GRAMD1B: variants seen among roughly 807,000 people sequenced by gnomAD.
GRAMD1B encodes GRAM domain containing 1B.
Under a neutral mutation model 99.7 loss-of-function variants are expected in GRAMD1B, and 37 were observed. The observed-to-expected ratio is 0.37, with a 90% CI of 0.29 to 0.49. The LOEUF is 0.49. GRAMD1B is among the 20% of genes least tolerant of loss of function. The pLI is 0.98. For synonymous variants in GRAMD1B, 427 were observed against 387.6 expected (o/e 1.10, Z -1.19); for missense variants, 888 against 1,009.2 (o/e 0.88, Z 1.63).
intron 2 of GRAMD1B, among the ~76,000 whole-genome samples, chr11:123,525,260 A>G (rs1942589309): frequency 6.6e-6 from 1 of 152,196 alleles, no homozygotes; most frequent in Admixed American, 6.5e-5. Flanking sequence ...TGTGCAGCAC[A>G]CTGCCTGGGA....
At chr11:123,528,941 C>A (rs769624038) in intron 2 of GRAMD1B, among the ~76,000 whole-genome samples, 3 of 152,210 alleles carry the variant, frequency 2.0e-5, no homozygotes, top group Non-Finnish European at 4.4e-5. Flanking sequence ...TGGGGACTAA[C>A]TACCACGCAA....
chr11:123,444,087 C>T (rs1353100068), intron 1 of GRAMD1B, among the ~76,000 whole-genome samples: 2 of 152,166 alleles, frequency 1.3e-5, no homozygotes, highest in Admixed American at 6.5e-5. Context: ...AGGTGCTAGA[C>T]TTTCAGTTAA....
intron 2 of GRAMD1B, among the ~76,000 whole-genome samples, chr11:123,533,503 T>C (rs2135577497): frequency 6.6e-6 from 1 of 152,178 alleles, no homozygotes; most frequent in African/African-American, 2.4e-5. Context: ...CTCAGCTCAC[T>C]GTAACCTCTG....
At chr11:123,416,642 G>A (rs1948241092) in intron 1 of GRAMD1B, among the ~76,000 whole-genome samples, 1 of 152,210 alleles carries the variant, frequency 6.6e-6, no homozygotes, top group Non-Finnish European at 1.5e-5. Context: ...AGAAAAGGTA[G>A]AGTTTTATAG....
chr11:123,608,703 G>T lies in GRAMD1B; in HGVS notation c.1558G>T (p.Val520Leu). 1 of 1,564,354 alleles carries T rather than the reference G, an allele frequency of 6.4e-7. No individual in the cohort carries two copies. The highest frequency in any genetic ancestry group is 8.7e-7 in the Non-Finnish European group (1 of 1,153,260). Residue 520 changes from valine to leucine, a missense_variant, in exon 12 of 20, where the codon GTG becomes TTG. Physicochemically the swap from Val to Leu is conservative, Grantham distance 32 (BLOSUM62 1). This residue lies in a region of GRAMD1B where 269 missense variants were observed against 296.6 expected (regional missense o/e 0.91). Coordinates refer to ENST00000635736, the MANE Select transcript of GRAMD1B (RefSeq NM_001387025.1). ...TGAGGACCTGAGTGGCCGGCAGTAC[G>T]TGAATGAAGTCTTCAACTTCAGCGT... is the stretch of plus-strand genomic sequence containing the variant. The part of the protein sequence containing the change: ...FYEDLSGRQY[V>L]NEVFNFSVDK...
chr11:123,359,966 G>T (rs912406479), intron 1 of GRAMD1B, among the ~76,000 whole-genome samples: 7 of 152,090 alleles, frequency 4.6e-5, no homozygotes, highest in African/African-American at 1.4e-4. Context: ...GGGAACTTTT[G>T]GGGAGGGGCG....
intron 2 of GRAMD1B, among the ~76,000 whole-genome samples, chr11:123,505,796 A>T (rs1025314706): frequency 6.6e-6 from 1 of 152,144 alleles, no homozygotes; most frequent in African/African-American, 2.4e-5. Flanking sequence ...TTATGGGAAC[A>T]CAGACACACT....
At chr11:123,428,892 T>G (rs1948746663), upstream of GRAMD1B, among the ~76,000 whole-genome samples, 1 of 152,156 alleles carries the variant, frequency 6.6e-6, no homozygotes, top group African/African-American at 2.4e-5. Context: ...TCATGATCTC[T>G]TTGAAAGTTA....
At chr11:123,551,993 G>A (rs944373711) in intron 2 of GRAMD1B, among the ~76,000 whole-genome samples, 56 of 151,928 alleles carry the variant, frequency 3.7e-4, no homozygotes, top group Admixed American at 2.2e-3. Flanking sequence ...ATTTATCCTC[G>A]TTTTCCCCAA....
At chr11:123,404,360 T>G (rs1297086338) in intron 1 of GRAMD1B, among the ~76,000 whole-genome samples, 5 of 152,262 alleles carry the variant, frequency 3.3e-5, no homozygotes, top group African/African-American at 1.2e-4. Flanking sequence ...CTTCAGCAAG[T>G]ATCTGATTCC....
intron 2 of GRAMD1B, among the ~76,000 whole-genome samples, chr11:123,533,070 A>G (rs888163637): frequency 2.6e-5 from 4 of 152,312 alleles, no homozygotes; most frequent in Middle Eastern, 3.4e-3. Context: ...CCCTGGTTCA[A>G]GCGATTCTCC....
rs1953334192 is a variant in GRAMD1B at position 123,610,105 on chromosome 11, G to A, written c.1777-91G>A. The A allele has an allele frequency of 2.5e-6, 3 of 1,202,048 alleles. No homozygotes were observed. Among genetic ancestry groups the A allele is most frequent in the Non-Finnish European group, 3.6e-6 (3 of 829,150 alleles). The allele number at this position is 1,202,048 out of a possible 1,614,324, so 74.5% of individuals were successfully genotyped here. ...TGGTTCTCCTGTTCAGAAGCCGTGG[G>A]GTGGGGTGGGCTTGGGGAGGCTGGA... On this transcript the variant is annotated intron_variant, in intron 13 of 19. Coordinates refer to ENST00000635736, the MANE Select transcript of GRAMD1B (RefSeq NM_001387025.1). The surrounding 1 kb of genome is among the most constrained non-coding windows in gnomAD (Gnocchi z 4.1).
chr11:123,585,909 C>A (rs1950023530), intron 4 of GRAMD1B, among the ~76,000 whole-genome samples: 1 of 152,158 alleles, frequency 6.6e-6, no homozygotes, highest in Admixed American at 6.5e-5. Flanking sequence ...TTTGTTTTGT[C>A]TCAGCCTGTG....
rs1319746027 is a variant in GRAMD1B, at chr11:123,600,455, T to C, written c.970-13T>C. 4 of 1,552,094 alleles carry C rather than the reference T, an allele frequency of 2.6e-6. No homozygotes were observed. Among genetic ancestry groups the C allele is most frequent in the Middle Eastern group, 1.7e-4 (1 of 5,974 alleles). On this transcript the variant is annotated splice_polypyrimidine_tract_variant and intron_variant, in intron 7 of 19. Transcript: ENST00000635736. ...TCAACAGATATTTATTGTTATTTTC[T>C]TTTCCAATCTAGCACTTCTTCACTT...
intron 4 of GRAMD1B, among the ~76,000 whole-genome samples, chr11:123,589,614 T>TTATATATATATATATATATATATA (rs71060517): frequency 2.4e-4 from 31 of 128,250 alleles, no homozygotes; most frequent in African/African-American, 1.1e-3. Flanking sequence ...TGGCTAATTT[T>TTATATATATATATATATATATATA]TATATATATA....
chr11:123,560,554 C>T (rs903167819), intron 2 of GRAMD1B: 262 of 971,836 alleles, frequency 2.7e-4, no homozygotes, highest in Non-Finnish European at 3.1e-4. Flanking sequence ...CTCCTCAGGG[C>T]CCCCGCTCCC....
rs140417038 is a variant in GRAMD1B, at chr11:123,492,832, CCTCT to C, written c.452+11950_452+11953del. Among the ~76,000 whole-genome samples, 19 of 145,512 alleles carry C rather than the reference CCTCT, an allele frequency of 1.3e-4. No individual in the cohort carries two copies. The South Asian group carries it at 4.1e-3, about 32-fold the overall frequency. On this transcript the variant is annotated intron_variant, in intron 2 of 19. Transcript: ENST00000635736. This position sits in a 1 kb window ranked among gnomAD's most constrained non-coding sequence, Gnocchi z 4.2. ...AGGCAGTAGGTGGCTTAACCTCAAT[CCTCT>C]CTCTCTCTCTGTCTCTCTCTTTCAC... is the stretch of plus-strand genomic sequence containing the variant.
intron 2 of GRAMD1B, among the ~76,000 whole-genome samples, chr11:123,513,578 TTTCCTTCCTTC>T (rs1251173967): frequency 2.4e-5 from 1 of 41,694 alleles, no homozygotes; most frequent in Admixed American, 2.9e-4. Context: ...CCTTCCTTCC[TTTCCTTCCTTC>T]CTTCCTTCCT....
intron 1 of GRAMD1B, among the ~76,000 whole-genome samples, chr11:123,405,125 G>C (rs1368780189): frequency 6.6e-6 from 1 of 152,104 alleles, no homozygotes. Context: ...GAAGTTGGGG[G>C]AAGAGATGGT....
Sources: gnomAD v4.1 joint callset for allele counts (sites outside exome capture counted in the v4.1 genomes callset) on GRCh38, gnomAD v4.1.1 for gene constraint, gnomAD v4.1.1 regional missense constraint, Gnocchi (gnomAD v3.1) non-coding constraint, MANE v1.5 for transcripts, NCBI Gene and HGNC (gene_info 2026-07-23, HGNC 2026-07-21) for gene names.